ITGB6: variants seen among roughly 807,000 people sequenced by gnomAD.
ITGB6 encodes integrin beta-6.
ITGB6 carries 80 observed loss-of-function variants against 84.5 expected under a neutral mutation model. That is an observed-to-expected ratio of 0.95 (90% CI 0.79 to 1.14). ITGB6 has a LOEUF of 1.14. Ranked by LOEUF, ITGB6 falls within the 50% of genes most tolerant of loss-of-function variation. The pLI, the probability that ITGB6 is intolerant of heterozygous loss-of-function variation, is 0.00. For synonymous variants in ITGB6, 383 were observed against 354.9 expected (o/e 1.08, Z -0.89); for missense variants, 1,006 against 968.0 (o/e 1.04, Z -0.52).
intron 7 of ITGB6, among the ~76,000 whole-genome samples, chr2:160,168,872 T>C (rs981059525): frequency 4.6e-5 from 7 of 152,230 alleles, no homozygotes; most frequent in Non-Finnish European, 7.3e-5. Flanking sequence ...CTCTGTTAAC[T>C]CCCTCATTAG....
chr2:160,138,280 T>C, intron 8 of ITGB6, 81 bp from the exon 9 acceptor site: 3 of 1,349,580 alleles, frequency 2.2e-6, no homozygotes, highest in Middle Eastern at 2.1e-4. Context: ...ATCATGTTCA[T>C]TGAACTACAA....
intron 4 of ITGB6, among the ~76,000 whole-genome samples, chr2:160,184,410 C>T (rs920435066): frequency 6.6e-6 from 1 of 152,036 alleles, no homozygotes; most frequent in Non-Finnish European, 1.5e-5. Context: ...ACACATACAC[C>T]CTCCCAAGAC....
intron 4 of ITGB6, among the ~76,000 whole-genome samples, chr2:160,188,167 C>T (rs979467508): frequency 2.0e-5 from 3 of 152,078 alleles, no homozygotes; most frequent in Non-Finnish European, 4.4e-5. Flanking sequence ...TTCCTTTTAC[C>T]TCTAATTGCC....
rs1286245369 is a variant in ITGB6 at position 160,165,494 on chromosome 2, T to C, written c.1017+3718A>G. ...TAGCAAAGGGGTCCAATTTTTATTT[T>C]CTCTCTCTATTTTCTCTGCCTCTTT... On this transcript the variant is annotated intron_variant, in intron 7 of 14. Transcript: ENST00000283249. Among the ~76,000 whole-genome samples the C allele has an allele frequency of 2.0e-5, 3 of 152,184 alleles. No homozygotes were observed. The East Asian group carries it at 5.8e-4, about 29-fold the overall frequency.
intron 12 of ITGB6, among the ~76,000 whole-genome samples, chr2:160,116,180 C>T (rs1682758209): frequency 6.6e-6 from 1 of 151,272 alleles, no homozygotes; most frequent in African/African-American, 2.4e-5. Flanking sequence ...AGATACTCCT[C>T]GAGAAGAGCA....
At chr2:160,152,385 A>G (rs1405573176) in intron 7 of ITGB6, among the ~76,000 whole-genome samples, 3 of 152,218 alleles carry the variant, frequency 2.0e-5, no homozygotes, top group African/African-American at 7.2e-5. Context: ...AAGGCCTTTG[A>G]CAAAATTCAA....
At chr2:160,114,659 G>A (rs1402870952) in intron 12 of ITGB6, among the ~76,000 whole-genome samples, 1 of 152,164 alleles carries the variant, frequency 6.6e-6, no homozygotes, top group Non-Finnish European at 1.5e-5. Flanking sequence ...GTGGGTGCAG[G>A]TCAGTGGGTG....
Position 160,168,137 on chromosome 2 carries a change from C to T in ITGB6, c.1017+1075G>A, listed in dbSNP as rs535743053. On this transcript the variant is annotated intron_variant, in intron 7 of 14. Coordinates refer to ENST00000283249, the MANE Select transcript of ITGB6 (RefSeq NM_000888.5). ...AAGTATGGAGCTTGATTGCAAGGAA[C>T]TTCCTTGGTTTGCAGCAGAAGGCAA... Among the ~76,000 whole-genome samples, 13 of 152,322 alleles carry T rather than the reference C, an allele frequency of 8.5e-5. No individual in the cohort carries two copies. The East Asian group carries it at 2.5e-3, about 29-fold the overall frequency.
At chr2:160,135,324 T>G (rs1559131724) in intron 10 of ITGB6, among the ~76,000 whole-genome samples, 1 of 152,002 alleles carries the variant, frequency 6.6e-6, no homozygotes, top group Admixed American at 6.5e-5. Context: ...GAGAATAAAA[T>G]GCCTAGGAAT....
intron 6 of ITGB6, among the ~76,000 whole-genome samples, chr2:160,170,153 G>C (rs1685149304): frequency 6.6e-6 from 1 of 152,180 alleles, no homozygotes; most frequent in Non-Finnish European, 1.5e-5. Flanking sequence ...TGTTAATTAT[G>C]TTAAGGGAGT....
chr2:160,131,062 G>A (rs181554492), intron 10 of ITGB6, among the ~76,000 whole-genome samples: 166 of 152,152 alleles, frequency 1.1e-3, no homozygotes, highest in Non-Finnish European at 1.3e-3. Context: ...TAGAGTACTG[G>A]TTCATACAAT....
intron 2 of ITGB6, 37 bp from the exon 3 acceptor site, chr2:160,196,457 A>G (rs1686343708): frequency 6.5e-7 from 1 of 1,532,292 alleles, no homozygotes; most frequent in South Asian, 1.2e-5. Flanking sequence ...CCAGAAAAAG[A>G]AAACAAATCT....
intron 3 of ITGB6, 81 bp from the exon 4 acceptor site, chr2:160,195,696 G>T: frequency 6.6e-7 from 1 of 1,504,894 alleles, no homozygotes; most frequent in Non-Finnish European, 9.1e-7. Flanking sequence ...GGGTCAGCTG[G>T]CTATTTCACC....
intron 7 of ITGB6, among the ~76,000 whole-genome samples, chr2:160,167,103 C>T (rs1044800749): frequency 6.6e-6 from 1 of 152,230 alleles, no homozygotes; most frequent in Non-Finnish European, 1.5e-5. Flanking sequence ...CTTTATTTAT[C>T]TATCACTGGT....
chr2:160,144,488 AT>A (rs1684115523), intron 7 of ITGB6, among the ~76,000 whole-genome samples: 2 of 152,234 alleles, frequency 1.3e-5, no homozygotes, highest in African/African-American at 2.4e-5. Flanking sequence ...AGGAACTTGA[AT>A]TCCACTTAAG....
intron 8 of ITGB6, among the ~76,000 whole-genome samples, chr2:160,141,764 C>A (rs1251204337): frequency 6.6e-6 from 1 of 152,064 alleles, no homozygotes; most frequent in Non-Finnish European, 1.5e-5. Flanking sequence ...ACTTTATGAT[C>A]AGTTTTATGA....
chr2:160,154,292 A>C (rs921141098), intron 7 of ITGB6, among the ~76,000 whole-genome samples: 1 of 152,182 alleles, frequency 6.6e-6, no homozygotes, highest in Non-Finnish European at 1.5e-5. Context: ...AGGGACATGG[A>C]TGAAGCTGGA....
chr2:160,143,497 C>T (rs1225085135), intron 7 of ITGB6, among the ~76,000 whole-genome samples: 1 of 152,128 alleles, frequency 6.6e-6, no homozygotes, highest in Non-Finnish European at 1.5e-5. Flanking sequence ...TTTACTATTG[C>T]ATTTGACATC....
intron 4 of ITGB6, among the ~76,000 whole-genome samples, chr2:160,190,580 CT>C (rs1686104655): frequency 6.6e-6 from 1 of 152,164 alleles, no homozygotes; most frequent in African/African-American, 2.4e-5. Context: ...GGGACCAGGT[CT>C]TTTTCTTCCA....
Sources: gnomAD v4.1 joint callset for allele counts (sites outside exome capture counted in the v4.1 genomes callset) on GRCh38, gnomAD v4.1.1 for gene constraint, MANE v1.5 for transcripts, NCBI Gene and HGNC (gene_info 2026-07-23, HGNC 2026-07-21) for gene names.